The following FOLR1 variants were observed in gnomAD, a reference collection of about 807,000 sequenced individuals.
FOLR1 encodes the protein KB cells FBP.
A neutral mutation model predicts 22.8 loss-of-function variants in FOLR1; 11 were observed. That is an observed-to-expected ratio of 0.48 (90% CI 0.30 to 0.80). The LOEUF (loss-of-function observed/expected upper bound fraction) is 0.80. FOLR1 is among the 30% of genes least tolerant of loss of function. The pLI is 0.06. For synonymous variants in FOLR1, 108 were observed against 116.5 expected (o/e 0.93, Z 0.47); for missense variants, 273 against 320.3 (o/e 0.85, Z 1.13).
chr11:72,195,973 T>A lies in FOLR1; in HGVS notation c.570T>A (p.Asn190Lys). The change falls in exon 4 of 4, where the codon AAT (asparagine) becomes AAA (lysine). Residue 190 changes from asparagine to lysine, a missense_variant. Asn to Lys is a moderately conservative substitution (Grantham distance 94). Transcript: ENST00000393676. ...TCCCCACACCCACTGTTCTGTGCAA[T>A]GAAATCTGGACTCACTCCTACAAGG... ...FYFPTPTVLC[N>K]EIWTHSYKVS... is the part of the protein sequence containing the mutation. 1.9e-6 allele frequency: 3 copies of A among 1,614,180 alleles called. No homozygotes were observed.
chr11:72,195,084 C>T (rs908873053), intron 1 of FOLR1, among the ~76,000 whole-genome samples, 187 bp from the exon 2 acceptor site: 8 of 152,264 alleles, frequency 5.3e-5, no homozygotes, highest in African/African-American at 1.7e-4. Context: ...GCAGGAGCTC[C>T]CTTTTGGGCT....
intron 3 of FOLR1, 43 bp from the exon 4 acceptor site, chr11:72,195,854 A>G: frequency 5.6e-6 from 9 of 1,614,144 alleles, no homozygotes; most frequent in Non-Finnish European, 6.8e-6. Context: ...ACCTCAAGAT[A>G]GTTCCGGGCC....
intron 2 of FOLR1, 57 bp downstream of exon 2, chr11:72,195,516 A>G: frequency 1.2e-6 from 2 of 1,613,060 alleles, no homozygotes; most frequent in Non-Finnish European, 1.7e-6. Context: ...CTTTCCAGGC[A>G]TCTCTGCAGG....
In FOLR1 at chr11:72,195,693, C is replaced by T. The variant is rs1222897077; in HGVS notation, c.439C>T (p.Arg147Cys). The change falls in exon 3 of 4, where the codon CGC (arginine) becomes TGC (cysteine). Residue 147 changes from arginine to cysteine, a missense_variant. By Grantham distance (180) the Arg-to-Cys change is radical (BLOSUM62 -3). Coordinates refer to ENST00000393676, the MANE Select transcript of FOLR1 (RefSeq NM_016729.3). The stretch of plus-strand genomic sequence containing the variant: ...CTGTGAGCAATGGTGGGAAGATTGT[C>T]GCACCTCCTACACCTGCAAGAGCAA... ...EDCEQWWEDC[R>C]TSYTCKSNWH... The T allele has an allele frequency of 9.3e-6, 15 of 1,614,040 alleles. No individual in the cohort carries two copies. Among genetic ancestry groups the T allele is most frequent in the Admixed American group, 5.0e-5 (3 of 59,996 alleles).
At chr11:72,192,842 C>A (rs1948174566) in intron 1 of FOLR1, among the ~76,000 whole-genome samples, 1 of 151,984 alleles carries the variant, frequency 6.6e-6, no homozygotes, top group Non-Finnish European at 1.5e-5. Context: ...AGTGATCCTC[C>A]CACCTCAGCC....
Position 72,196,137 on chromosome 11 carries a change from T to G in FOLR1, c.734T>G (p.Leu245Arg), listed in dbSNP as rs1481377477. ...GAGPWAAWPFLLSLALMLLWL... is the reference protein window; with the variant it reads ...GAGPWAAWPFRLSLALMLLWL... ...GGGCCCTGGGCAGCCTGGCCTTTCC[T>G]GCTTAGCCTGGCCCTAATGCTGCTG... The change falls in exon 4 of 4, where the codon CTG becomes CGG. Residue 245 changes from leucine (L) to arginine (R), a missense_variant. Transcript: ENST00000393676. The G allele has an allele frequency of 1.9e-6, 3 of 1,614,188 alleles. No homozygotes were observed. Among genetic ancestry groups the G allele is most frequent in the Non-Finnish European group, 2.5e-6 (3 of 1,180,040 alleles).
chr11:72,191,041 C>T (rs936223852), upstream of FOLR1, among the ~76,000 whole-genome samples: 1 of 152,172 alleles, frequency 6.6e-6, no homozygotes, highest in South Asian at 2.1e-4. Context: ...CACCTGGTGT[C>T]CAGTGGAGTG....
upstream of FOLR1, among the ~76,000 whole-genome samples, chr11:72,191,874 G>T (rs1376679599): frequency 6.6e-6 from 1 of 152,114 alleles, no homozygotes; most frequent in East Asian, 1.9e-4. Context: ...TTTGAATAAG[G>T]CATTGTGGAC....
chr11:72,190,475 C>G (rs894246079), upstream of FOLR1: 1 of 152,210 alleles, frequency 6.6e-6, no homozygotes, highest in Non-Finnish European at 1.5e-5. Flanking sequence ...TAGTTTGCTT[C>G]TCTTTCCCCC....
upstream of FOLR1, among the ~76,000 whole-genome samples, chr11:72,190,863 C>A (rs1414774846): frequency 6.6e-6 from 1 of 152,180 alleles, no homozygotes; most frequent in African/African-American, 2.4e-5. Context: ...AGACCCCTGT[C>A]AAGGAGGCCC....
intron 3 of FOLR1, 30 bp from the exon 4 acceptor site, chr11:72,195,867 G>C: frequency 6.8e-6 from 11 of 1,614,190 alleles, no homozygotes; most frequent in Non-Finnish European, 8.5e-6. Flanking sequence ...TCCGGGCCCA[G>C]TGGCTAAAGG....
intron 1 of FOLR1, among the ~76,000 whole-genome samples, chr11:72,194,438 C>T (rs1394036829): frequency 3.3e-5 from 5 of 151,472 alleles, no homozygotes; most frequent in East Asian, 1.9e-4. Context: ...CTTGCTCTGT[C>T]GCCCAGGCTG....
upstream of FOLR1, among the ~76,000 whole-genome samples, chr11:72,191,897 C>A (rs1424990688): frequency 1.3e-5 from 2 of 152,170 alleles, no homozygotes; most frequent in African/African-American, 4.8e-5. Flanking sequence ...ATGGCAAACT[C>A]CTGGCTATTT....
rs1393300891 is a variant in FOLR1, at chr11:72,195,713, G to A, written c.459G>A (p.Lys153=). Residue 153 remains lysine, a synonymous_variant, in exon 3 of 4, where the codon AAG becomes AAA. Coordinates refer to ENST00000393676, the MANE Select transcript of FOLR1 (RefSeq NM_016729.3). The part of the protein sequence containing the change: ...WEDCRTSYTC[K]SNWHKGWNWT... The stretch of plus-strand genomic sequence containing the variant: ...ATTGTCGCACCTCCTACACCTGCAA[G>A]AGCAACTGGCACAAGGGCTGGAACT... The A allele has an allele frequency of 2.5e-6, 4 of 1,614,224 alleles. No individual in the cohort carries two copies. Among genetic ancestry groups the A allele is most frequent in the Non-Finnish European group, 3.4e-6 (4 of 1,180,028 alleles).
upstream of FOLR1, chr11:72,191,932 T>C: frequency 1.9e-6 from 1 of 529,424 alleles, no homozygotes; most frequent in Non-Finnish European, 3.4e-6. Context: ...AATCCATCCT[T>C]GAATTATATC....
In FOLR1 at chr11:72,192,492, C is replaced by A. The variant is rs927998105; in HGVS notation, c.168+151C>A. ...GGGTGACTATTTCACAGACACTGTG[C>A]CAAATGTCGGTACAATGCCAACAGT... On this transcript the variant is annotated intron_variant, in intron 1 of 3. Coordinates refer to ENST00000393676, the MANE Select transcript of FOLR1 (RefSeq NM_016729.3). 22 of 767,274 alleles carry A rather than the reference C, an allele frequency of 2.9e-5. No homozygotes were observed. In the African/African-American group the frequency reaches 2.9e-4, roughly 10 times the overall value. 47.5% of individuals were successfully genotyped at this position (767,274 alleles called of 1,614,324 possible).
chr11:72,195,214 T>TCTGGCTGTG (rs548295775), intron 1 of FOLR1, 57 bp from the exon 2 acceptor site: 3 of 1,519,292 alleles, frequency 2.0e-6, no homozygotes, highest in Middle Eastern at 1.9e-4. Flanking sequence ...TGTGGAATAT[T>TCTGGCTGTG]CTGGCTGTGC....
chr11:72,192,042 G>T, upstream of FOLR1: 1 of 959,436 alleles, frequency 1.0e-6, no homozygotes, highest in Non-Finnish European at 1.6e-6. Context: ...AACTGAGGGA[G>T]ATGGGGGCAG....
chr11:72,196,081 G>A lies in FOLR1; in HGVS notation c.678G>A (p.Ala226=), dbSNP rs531930335. ...PAQGNPNEEV[A]RFYAAAMSGA... is the part of the protein sequence containing the mutation. ...AGGGCAACCCCAATGAGGAGGTGGC[G>A]AGGTTCTATGCTGCAGCCATGAGTG... Residue 226 remains alanine, a synonymous_variant, in exon 4 of 4, where the codon GCG becomes GCA. Coordinates refer to ENST00000393676, the MANE Select transcript of FOLR1 (RefSeq NM_016729.3). 2.3e-5 allele frequency: 37 copies of A among 1,614,216 alleles called. No individual in the cohort carries two copies. Among genetic ancestry groups the A allele is most frequent in the Middle Eastern group, 3.3e-4 (2 of 6,060 alleles).
Sources: gnomAD v4.1 joint callset for allele counts (sites outside exome capture counted in the v4.1 genomes callset) on GRCh38, gnomAD v4.1.1 for gene constraint, MANE v1.5 for transcripts, NCBI Gene and HGNC (gene_info 2026-07-23, HGNC 2026-07-21) for gene names.